Variants in C9 observed in about 807,000 individuals in gnomAD.
The protein encoded by C9 is complement C9, also known as complement component C9.
A neutral mutation model predicts 65.4 loss-of-function variants in C9; 63 were observed. That is an observed-to-expected ratio of 0.96 (90% CI 0.79 to 1.19). The LOEUF (loss-of-function observed/expected upper bound fraction) is 1.19. Among genes scored for constraint, C9 ranks in the 50% most tolerant of loss-of-function variants. C9 has a pLI of 0.00. For missense variants in C9, 744 were observed against 670.1 expected, an observed-to-expected ratio of 1.11 and a Z score of -1.22; for synonymous variants, 229 against 227.9, an observed-to-expected ratio of 1.00 and a Z score of -0.04.
intron 9 of C9, among the ~76,000 whole-genome samples, chr5:39,302,476 T>C (rs1199359200): frequency 2.6e-5 from 4 of 152,236 alleles, no homozygotes; most frequent in East Asian, 3.9e-4. Flanking sequence ...TTGTTTTTTA[T>C]CCCTAAACAA....
intron 7 of C9, among the ~76,000 whole-genome samples, chr5:39,309,129 C>T (rs1042035514): frequency 6.6e-6 from 1 of 151,998 alleles, no homozygotes; most frequent in African/African-American, 2.4e-5. Flanking sequence ...CTAATATTTT[C>T]AAAGTCTATC....
Position 39,288,891 on chromosome 5 carries a change from T to C in C9, c.1477A>G (p.Asn493Asp), listed in dbSNP as rs1753040219. ...KMKNAHLKKQ[N>D]LERAIEDYIN... ...TAGTCTTCAATGGCTCTTTCCAAGT[T>C]TTGTTTCTTTAGGTGTGCATTTTTC... The change falls in exon 10 of 11, where the codon AAC becomes GAC. Residue 493 changes from asparagine (N) to aspartate (D), a missense_variant. Physicochemically the swap from Asn to Asp is conservative, Grantham distance 23. Coordinates refer to ENST00000263408, the MANE Select transcript of C9 (RefSeq NM_001737.5). 1 of 1,612,112 alleles carries C rather than the reference T, an allele frequency of 6.2e-7. No homozygotes were observed. The highest frequency in any genetic ancestry group is 8.5e-7 in the Non-Finnish European group (1 of 1,178,616).
At chr5:39,336,073 A>G (rs2111941619) in intron 4 of C9, among the ~76,000 whole-genome samples, 1 of 152,314 alleles carries the variant, frequency 6.6e-6, no homozygotes, top group Admixed American at 6.5e-5. Flanking sequence ...CATTATTTGT[A>G]CTTTAACATA....
chr5:39,360,914 C>A (rs930141831), intron 1 of C9, among the ~76,000 whole-genome samples: 9 of 152,098 alleles, frequency 5.9e-5, no homozygotes, highest in African/African-American at 2.2e-4. Flanking sequence ...TGACTCAGAT[C>A]ACTCTGGGAA....
intron 9 of C9, among the ~76,000 whole-genome samples, chr5:39,303,708 C>G (rs1490787897): frequency 6.6e-6 from 1 of 151,938 alleles, no homozygotes; most frequent in Non-Finnish European, 1.5e-5. Context: ...AAAATCAATT[C>G]TCAGCTGGGG....
chr5:39,300,704 T>C (rs954520788), intron 9 of C9, among the ~76,000 whole-genome samples: 1 of 152,086 alleles, frequency 6.6e-6, no homozygotes, highest in Non-Finnish European at 1.5e-5. Flanking sequence ...TTTGGTAATA[T>C]GCCTTAAAAT....
intron 9 of C9, among the ~76,000 whole-genome samples, chr5:39,289,482 T>G (rs1312471182): frequency 6.6e-6 from 1 of 151,680 alleles, no homozygotes; most frequent in Admixed American, 6.6e-5. Flanking sequence ...TTGAGAAATT[T>G]TTGTAGAGGG....
At chr5:39,337,920 A>G (rs903808861) in intron 4 of C9, among the ~76,000 whole-genome samples, 1 of 152,246 alleles carries the variant, frequency 6.6e-6, no homozygotes, top group African/African-American at 2.4e-5. Context: ...GACTATTGAT[A>G]GGACTTTTTG....
intron 1 of C9, among the ~76,000 whole-genome samples, chr5:39,353,537 A>G (rs765456498): frequency 6.6e-6 from 1 of 152,138 alleles, no homozygotes; most frequent in Non-Finnish European, 1.5e-5. Flanking sequence ...TTGGACACAC[A>G]TTATATTTTT....
Position 39,341,216 on chromosome 5 carries a change from T to A in C9, c.406A>T (p.Ser136Cys). ...TCTCTGCAGGGGGGACGGGGCTCAC[T>A]TTCACAATCATCCTCATCTGAAAAG... The part of the protein sequence containing the change: ...GDFSDEDDCE[S>C]EPRPPCRDRV... The change falls in exon 4 of 11, where the codon AGT becomes TGT. Residue 136 changes from serine (S) to cysteine (C), a missense_variant. Transcript: ENST00000263408. The A allele has an allele frequency of 6.2e-7, 1 of 1,614,206 alleles. No homozygotes were observed. The highest frequency in any genetic ancestry group is 8.5e-7 in the Non-Finnish European group (1 of 1,180,036).
chr5:39,345,918 C>T (rs1175643336), intron 1 of C9, among the ~76,000 whole-genome samples: 1 of 152,174 alleles, frequency 6.6e-6, no homozygotes, highest in Non-Finnish European at 1.5e-5. Flanking sequence ...TTCTGAATGA[C>T]TACTGGGTAC....
intron 9 of C9, 41 bp downstream of exon 9, chr5:39,306,576 A>T: frequency 6.7e-7 from 1 of 1,489,754 alleles, no homozygotes. Flanking sequence ...TTAATAAAAA[A>T]ATGACACAGT....
intron 1 of C9, among the ~76,000 whole-genome samples, chr5:39,363,904 A>G (rs961647460): frequency 1.3e-5 from 2 of 152,236 alleles, no homozygotes; most frequent in Non-Finnish European, 2.9e-5. Flanking sequence ...AACAAAATGC[A>G]TGCCTCTGAA....
chr5:39,336,216 TA>T (rs2111941937), intron 4 of C9, among the ~76,000 whole-genome samples: 1 of 152,264 alleles, frequency 6.6e-6, no homozygotes, highest in South Asian at 2.1e-4. Context: ...TTTATTTTTT[TA>T]ATAGGCTTTA....
intron 1 of C9, among the ~76,000 whole-genome samples, chr5:39,346,787 A>G (rs934410556): frequency 4.6e-5 from 7 of 152,228 alleles, no homozygotes; most frequent in Non-Finnish European, 7.3e-5. Flanking sequence ...ATACTGGCAA[A>G]CCGAATCCAG....
chr5:39,324,172 A>T (rs910632832), intron 5 of C9, among the ~76,000 whole-genome samples: 7 of 152,228 alleles, frequency 4.6e-5, no homozygotes, highest in African/African-American at 1.2e-4. Flanking sequence ...AAAATATACA[A>T]ATCAATGGAA....
intron 1 of C9, among the ~76,000 whole-genome samples, chr5:39,361,671 G>A (rs921343603): frequency 2.0e-5 from 3 of 152,200 alleles, no homozygotes; most frequent in Non-Finnish European, 2.9e-5. Context: ...CCTGGCTCCA[G>A]AAGCAACGCT....
chr5:39,330,527 C>G (rs182852282), intron 5 of C9, among the ~76,000 whole-genome samples: 1 of 152,168 alleles, frequency 6.6e-6, no homozygotes, highest in African/African-American at 2.4e-5. Context: ...CAACAATAGC[C>G]CTTCTCCCAT....
rs747276372 is a variant in C9 at position 39,331,735 on chromosome 5, C to A, written c.556G>T (p.Asp186Tyr). 6.2e-7 allele frequency: 1 copy of A among 1,613,714 alleles called. No individual in the cohort carries two copies. Among genetic ancestry groups the A allele is most frequent in the Admixed American group, 1.7e-5 (1 of 60,024 alleles). ...FYNGLCNRDR[D>Y]GNTLTYYRRP... is the part of the protein sequence containing the mutation. ...CGGTAGTATGTCAGAGTGTTTCCAT[C>A]CCGATCCCGGTTACAGAGTCCATTG... is the stretch of plus-strand genomic sequence containing the variant. The change falls in exon 5 of 11, where the codon GAT (aspartate) becomes TAT (tyrosine). Residue 186 changes from aspartate (D) to tyrosine (Y), a missense_variant. By Grantham distance (160) the Asp-to-Tyr change is radical (BLOSUM62 -3). Coordinates refer to ENST00000263408, the MANE Select transcript of C9 (RefSeq NM_001737.5).
Sources: allele counts gnomAD v4.1 joint callset (sites outside exome capture counted in the v4.1 genomes callset), GRCh38; gene constraint gnomAD v4.1.1; transcripts MANE v1.5; gene names NCBI Gene and HGNC (gene_info 2026-07-23, HGNC 2026-07-21).